The following SNX13 variants were observed in gnomAD, a reference collection of about 807,000 sequenced individuals.
The protein encoded by SNX13 is sorting nexin-13.
A neutral mutation model predicts 133.6 loss-of-function variants in SNX13; 45 were observed. The observed-to-expected ratio is 0.34, with a 90% CI of 0.27 to 0.43. The LOEUF (loss-of-function observed/expected upper bound fraction) is 0.43. SNX13 is among the 20% of genes least tolerant of loss of function. The pLI, the probability that SNX13 is intolerant of heterozygous loss-of-function variation, is 1.00. For synonymous variants in SNX13, 414 were observed against 373.9 expected, an observed-to-expected ratio of 1.11 and a Z score of -1.24; for missense variants, 1,032 against 1,145.1, an observed-to-expected ratio of 0.90 and a Z score of 1.43.
At chr7:17,939,000 A>T (rs1802442372) in intron 1 of SNX13, among the ~76,000 whole-genome samples, 1 of 152,250 alleles carries the variant, frequency 6.6e-6, no homozygotes, top group African/African-American at 2.4e-5. Context: ...TTAGAAATAT[A>T]AAATGAACTT....
intron 8 of SNX13, among the ~76,000 whole-genome samples, chr7:17,869,680 T>G (rs965634594): frequency 6.6e-6 from 1 of 152,180 alleles, no homozygotes; most frequent in Non-Finnish European, 1.5e-5. Context: ...GAGGCACCAG[T>G]AATTTTTTTG....
intron 1 of SNX13, among the ~76,000 whole-genome samples, chr7:17,903,946 T>C (rs1162595092): frequency 6.6e-6 from 1 of 152,202 alleles, no homozygotes; most frequent in East Asian, 1.9e-4. Flanking sequence ...GGGTGTCTAC[T>C]TACTAGTATG....
At chr7:17,816,717 C>A (rs544927334) in intron 18 of SNX13, among the ~76,000 whole-genome samples, 1 of 152,166 alleles carries the variant, frequency 6.6e-6, no homozygotes, top group African/African-American at 2.4e-5. Flanking sequence ...GATAATTTTG[C>A]AATATATTAC....
chr7:17,930,707 C>T (rs1801298110), intron 1 of SNX13, among the ~76,000 whole-genome samples: 1 of 152,154 alleles, frequency 6.6e-6, no homozygotes, highest in African/African-American at 2.4e-5. Flanking sequence ...CCCTTCAACC[C>T]CTGGGCCACA....
chr7:17,835,639 G>C (rs1177811165), intron 13 of SNX13, among the ~76,000 whole-genome samples: 1 of 151,796 alleles, frequency 6.6e-6, no homozygotes, highest in Non-Finnish European at 1.5e-5. Flanking sequence ...ATGAGTCCTA[G>C]AGATAACATT....
chr7:17,798,816 A>T (rs879246553), intron 23 of SNX13, 58 bp from the exon 24 acceptor site: 1 of 1,355,474 alleles, frequency 7.4e-7, no homozygotes, highest in Non-Finnish European at 1.0e-6. Flanking sequence ...GAAAAAAATA[A>T]ACGTGACTTT....
chr7:17,828,407 C>A (rs1013776860), intron 16 of SNX13, among the ~76,000 whole-genome samples: 3 of 151,576 alleles, frequency 2.0e-5, no homozygotes, highest in Non-Finnish European at 4.4e-5. Context: ...AAGACAAAAA[C>A]TGAAAATTCA....
chr7:17,916,327 G>A (rs1214525338), intron 1 of SNX13, among the ~76,000 whole-genome samples: 2 of 152,126 alleles, frequency 1.3e-5, no homozygotes, highest in African/African-American at 4.8e-5. Context: ...AAAACTCAAT[G>A]AAATTGAAAG....
chr7:17,877,632 T>C (rs987584263), intron 5 of SNX13, among the ~76,000 whole-genome samples: 4 of 152,056 alleles, frequency 2.6e-5, no homozygotes, highest in African/African-American at 9.7e-5. Flanking sequence ...TCAAACAAAA[T>C]AAATTTTACC....
At chr7:17,840,618 A>C (rs949040462) in intron 12 of SNX13, among the ~76,000 whole-genome samples, 2 of 152,116 alleles carry the variant, frequency 1.3e-5, no homozygotes, top group African/African-American at 4.8e-5. Flanking sequence ...TTTTAAAAGC[A>C]GTTTGGTAAA....
chr7:17,798,009 T>TA (rs1784240369), intron 24 of SNX13, among the ~76,000 whole-genome samples: 1 of 151,870 alleles, frequency 6.6e-6, no homozygotes. Flanking sequence ...GCCAAGAACT[T>TA]AGTGTTCAAT....
intron 25 of SNX13, chr7:17,794,518 G>A (rs181960928): frequency 1.1e-5 from 5 of 448,588 alleles, no homozygotes; most frequent in East Asian, 1.1e-4. Flanking sequence ...ATATAGCACA[G>A]GTGTAAGAGA....
In SNX13 at chr7:17,830,038, T is replaced by A; in HGVS notation, c.1607A>T (p.Asn536Ile). ...ATTTATGCTTCCTGTAGGAGACCCA[T>A]TAAAAGATTCTGCAGGGGGGAAATT... is the stretch of plus-strand genomic sequence containing the variant. Reference protein sequence around the residue: ...GSDDGDGESFNGSPTGSINLS... With the variant: ...GSDDGDGESFIGSPTGSINLS... Residue 536 changes from asparagine (N) to isoleucine (I), a missense_variant, in exon 16 of 26, where the codon AAT (asparagine) becomes ATT (isoleucine). By Grantham distance (149) the Asn-to-Ile change is moderately radical (BLOSUM62 -3). Transcript: ENST00000428135. The A allele has an allele frequency of 6.5e-7, 1 of 1,531,894 alleles. No homozygotes were observed. Among genetic ancestry groups the A allele is most frequent in the South Asian group, 1.2e-5 (1 of 81,206 alleles). 94.9% of individuals were successfully genotyped at this position (1,531,894 alleles called of 1,614,324 possible).
chr7:17,858,437 A>G (rs1792199189), intron 9 of SNX13, among the ~76,000 whole-genome samples: 1 of 151,984 alleles, frequency 6.6e-6, no homozygotes, highest in Non-Finnish European at 1.5e-5. Context: ...TATTTTAAAA[A>G]TGTGAAAGAT....
At chr7:17,904,395 T>A (rs1241307815) in intron 1 of SNX13, among the ~76,000 whole-genome samples, 2 of 151,734 alleles carry the variant, frequency 1.3e-5, no homozygotes, top group Non-Finnish European at 3.0e-5. Context: ...AATTCAGTGC[T>A]TAATTTAGGC....
chr7:17,814,745 G>A (rs1184768819), intron 20 of SNX13, 89 bp downstream of exon 20: 22 of 1,130,720 alleles, frequency 1.9e-5, no homozygotes, highest in East Asian at 9.5e-5. Context: ...TAAAACACAC[G>A]TACAAATCTA....
chr7:17,854,131 A>G (rs1310417091), intron 9 of SNX13, among the ~76,000 whole-genome samples: 2 of 152,150 alleles, frequency 1.3e-5, no homozygotes, highest in Non-Finnish European at 2.9e-5. Context: ...TCTGTTCTTT[A>G]TTTAAGAAAG....
intron 9 of SNX13, among the ~76,000 whole-genome samples, chr7:17,867,900 A>G (rs920339300): frequency 6.6e-6 from 1 of 152,122 alleles, no homozygotes; most frequent in Non-Finnish European, 1.5e-5. Context: ...TGGACTTAGT[A>G]ATAACTAAGT....
At position 17,794,262 on chromosome 7, in the gene SNX13, G is replaced by A; in HGVS notation, c.2657C>T (p.Thr886Ile). ...AACACGAAGAATACCTTTCCGTGTTGTCTCAGCCCCAATAATGTGCTTCAG... is the reference window on the plus strand; with the variant it reads ...AACACGAAGAATACCTTTCCGTGTTATCTCAGCCCCAATAATGTGCTTCAG... ...DELKHIIGAE[T>I]TRKGILRVFE... Residue 886 changes from threonine (T) to isoleucine (I), a missense_variant, in exon 26 of 26, where the codon ACA becomes ATA. By Grantham distance (89) the Thr-to-Ile change is moderately conservative. Transcript: ENST00000428135. 1 of 1,611,252 alleles carries A rather than the reference G, an allele frequency of 6.2e-7. No homozygotes were observed. The highest frequency in any genetic ancestry group is 8.5e-7 in the Non-Finnish European group (1 of 1,178,308).
Sources: allele counts gnomAD v4.1 joint callset (sites outside exome capture counted in the v4.1 genomes callset), GRCh38; gene constraint gnomAD v4.1.1; transcripts MANE v1.5; gene names NCBI Gene and HGNC (gene_info 2026-07-23, HGNC 2026-07-21).